The following MUC12 variants were observed in gnomAD, a reference collection of about 807,000 sequenced individuals.
The protein encoded by MUC12 is mucin-12.
In MUC12, 172 loss-of-function variants were observed where a neutral mutation model predicts 230.8. The observed-to-expected ratio is 0.75, with a 90% CI of 0.66 to 0.85. The LOEUF (loss-of-function observed/expected upper bound fraction) is 0.85. Ranked by LOEUF, MUC12 falls within the 40% of genes least tolerant of loss-of-function variation. The pLI is 0.00. For synonymous variants in MUC12, 1,259 were observed against 2,401.9 expected, an observed-to-expected ratio of 0.52 and a Z score of 13.91; for missense variants, 3,506 against 5,920.6, an observed-to-expected ratio of 0.59 and a Z score of 13.38.
intron 3 of MUC12, 27 bp from the exon 4 acceptor site, chr7:101,008,607 C>G (rs967528492): frequency 4.2e-5 from 65 of 1,534,322 alleles, no homozygotes; most frequent in Non-Finnish European, 5.4e-5. Flanking sequence ...GTCGCTGTCT[C>G]ACGCATACCA....
intron 1 of MUC12, 131 bp downstream of exon 1, chr7:100,969,820 AG>A: frequency 7.4e-7 from 1 of 1,350,154 alleles, no homozygotes; most frequent in South Asian, 1.3e-5. Flanking sequence ...ACAGGGCTGG[AG>A]ACCCGTGCTG....
intron 5 of MUC12, 113 bp from the exon 6 acceptor site, chr7:101,012,183 T>C (rs1793847619): frequency 5.1e-6 from 6 of 1,166,370 alleles, no homozygotes; most frequent in Middle Eastern, 2.1e-4. Context: ...GTATTCTTTC[T>C]CACCTCTGGG....
chr7:101,011,419 CT>C lies in MUC12; in HGVS notation c.15252-872del, dbSNP rs369851384. 4.9e-4 allele frequency among the ~76,000 whole-genome samples: 75 copies of C among 152,196 alleles called. No individual in the cohort carries two copies. In the Middle Eastern group the frequency reaches 0.01, roughly 21 times the overall value. On this transcript the variant is annotated intron_variant, in intron 5 of 11. Transcript: ENST00000536621. The stretch of plus-strand genomic sequence containing the variant: ...AGTAGCTTCTAGGTTAGAAACTTAC[CT>C]TTTTCTTTCTTTTTTAAATTTTAAA...
In MUC12 at chr7:101,009,017, A is replaced by G. The variant is rs1325819366; in HGVS notation, c.15187-78A>G. On this transcript the variant is annotated intron_variant, in intron 4 of 11. Coordinates refer to ENST00000536621, the MANE Select transcript of MUC12 (RefSeq NM_001164462.2). ...ACCTGGGCTCCACAGAAAGGTGCCT[A>G]GGGCTGCCTCAAGAAGGGTAACAGG... 2.7e-6 allele frequency: 4 copies of G among 1,480,040 alleles called. No individual in the cohort carries two copies. In the South Asian group the frequency reaches 3.6e-5, roughly 13 times the overall value. The allele number at this position is 1,480,040 out of a possible 1,614,324, so 91.7% of individuals were successfully genotyped here.
rs1046934686 is a variant in MUC12, at chr7:101,004,677, C to G, written c.14114C>G (p.Ser4705Ter). 11 of 1,537,928 alleles carry G rather than the reference C, an allele frequency of 7.2e-6. No individual in the cohort carries two copies. Among genetic ancestry groups the G allele is most frequent in the Non-Finnish European group, 9.6e-6 (11 of 1,147,070 alleles). The change falls in exon 2 of 12, where the codon TCA becomes TGA. Residue 4705 changes from serine (S) to a stop codon, truncating the protein, a stop_gained. Coordinates refer to ENST00000536621, the MANE Select transcript of MUC12 (RefSeq NM_001164462.2). LOFTEE classifies it high-confidence loss of function. ...ITPLPAHFTT[S>*]GRIAESTTFY... Reference sequence around the variant, plus strand: ...CCCTTACCTGCCCATTTTACTACCTCAGGCCGCATTGCAGAATCTACCACC... The same window carrying G: ...CCCTTACCTGCCCATTTTACTACCTGAGGCCGCATTGCAGAATCTACCACC...
chr7:100,983,592 G>A (rs1793142546), intron 1 of MUC12, among the ~76,000 whole-genome samples: 2 of 152,150 alleles, frequency 1.3e-5, no homozygotes, highest in Admixed American at 1.3e-4. Context: ...GGGCAGAAAT[G>A]TTCTCTACCC....
chr7:101,017,515 C>G (rs1345047343), intron 10 of MUC12, 60 bp from the exon 11 acceptor site: 3 of 1,088,410 alleles, frequency 2.8e-6, no homozygotes, highest in Non-Finnish European at 2.7e-6. Flanking sequence ...GAAATCCCCT[C>G]TGCCCCCTAG....
chr7:100,985,981 C>A (rs1411612048), intron 1 of MUC12, among the ~76,000 whole-genome samples: 2 of 152,154 alleles, frequency 1.3e-5, no homozygotes, highest in Non-Finnish European at 2.9e-5. Flanking sequence ...TGGAGCTCAG[C>A]CCCTCCACTT....
Position 101,003,686 on chromosome 7 carries a change from T to C in MUC12, c.13123T>C (p.Leu4375=). The C allele has an allele frequency of 1.0e-6, 1 of 977,132 alleles. No individual in the cohort carries two copies. The highest frequency in any genetic ancestry group is 1.5e-5 in the South Asian group (1 of 66,700). The allele number at this position is 977,132 out of a possible 1,614,324, so 60.5% of individuals were successfully genotyped here. ...TTHFSASSTT[L]GRSEESTTVH... ...CCACTTTTCTGCCAGCTCCACAACA[T>C]TGGGCCGTAGTGAGGAATCGACAAC... Residue 4375 remains leucine (L), a synonymous_variant, in exon 2 of 12, where the codon TTG becomes CTG. Transcript: ENST00000536621.
Position 100,991,833 on chromosome 7 carries a change from T to C in MUC12, c.1270T>C (p.Phe424Leu), listed in dbSNP as rs376357726. ...CCTGGGCTCAACTGAAACAACACAC[T>C]TCCGTGATAGCTCCACAATCTCAGG... ...SSLGSTETTH[F>L]RDSSTISGRS... Residue 424 changes from phenylalanine to leucine, a missense_variant, in exon 2 of 12, where the codon TTC becomes CTC. Phe to Leu is a conservative substitution (Grantham distance 22). Coordinates refer to ENST00000536621, the MANE Select transcript of MUC12 (RefSeq NM_001164462.2). 27 of 1,537,494 alleles carry C rather than the reference T, an allele frequency of 1.8e-5. No homozygotes were observed. The African/African-American group carries it at 3.6e-4, about 20-fold the overall frequency.
At position 100,991,223 on chromosome 7, in the gene MUC12, A is replaced by T. The variant is rs1304942121; in HGVS notation, c.660A>T (p.Glu220Asp). Residue 220 changes from glutamate to aspartate, a missense_variant, in exon 2 of 12, where the codon GAA becomes GAT. Coordinates refer to ENST00000536621, the MANE Select transcript of MUC12 (RefSeq NM_001164462.2). ...CCACACCATCATCCCTTGGTCCAGA[A>T]TCTACTACCTTCCACAGCAGCCCAG... The part of the protein sequence containing the change: ...GTTTPSSLGP[E>D]STTFHSSPGY... 6.5e-7 allele frequency: 1 copy of T among 1,537,470 alleles called. No individual in the cohort carries two copies. The highest frequency in any genetic ancestry group is 1.4e-5 in the African/African-American group (1 of 72,922).
At chr7:100,972,179 AT>A (rs1792916739) in intron 1 of MUC12, 2 of 702,012 alleles carry the variant, frequency 2.8e-6, no homozygotes, top group South Asian at 1.5e-5. Context: ...TCATGAGGAG[AT>A]CTGTGTAAGG....
intron 1 of MUC12, among the ~76,000 whole-genome samples, chr7:100,975,475 G>A (rs560562295): frequency 2.3e-4 from 35 of 152,418 alleles, no homozygotes; most frequent in African/African-American, 7.2e-4. Flanking sequence ...AAAAATTGAC[G>A]CAATTACAAG....
chr7:100,984,194 C>T (rs1044328706), intron 1 of MUC12, among the ~76,000 whole-genome samples: 1 of 151,602 alleles, frequency 6.6e-6, no homozygotes, highest in Non-Finnish European at 1.5e-5. Context: ...ATTACACTCT[C>T]AAAGAGGGGA....
In MUC12 at chr7:101,004,152, C is replaced by CGCTGTCGTTTCCATT; in HGVS notation, c.13590_13591insCTGTCGTTTCCATTG (p.Thr4530_Thr4531insLeuSerPheProLeu). 1.4e-6 allele frequency: 1 copy of CGCTGTCGTTTCCATT among 698,036 alleles called. No homozygotes were observed. The highest frequency in any genetic ancestry group is 2.0e-6 in the Non-Finnish European group (1 of 487,998). 43.2% of individuals were successfully genotyped at this position (698,036 alleles called of 1,614,324 possible). On this transcript the variant is annotated inframe_insertion, in exon 2 of 12. Coordinates refer to ENST00000536621, the MANE Select transcript of MUC12 (RefSeq NM_001164462.2). ...CCCATCAGTTCAGGCTCAATGGAAACGACAGCGTTACCCGGCAGTACCACA... is the reference window on the plus strand; with the variant it reads ...CCCATCAGTTCAGGCTCAATGGAAACGCTGTCGTTTCCATTGACAGCGTTACCCGGCAGTACCACA...
In MUC12 at chr7:101,005,384, T is replaced by G; in HGVS notation, c.14821T>G (p.Ser4941Ala). The G allele has an allele frequency of 6.5e-7, 1 of 1,537,676 alleles. No individual in the cohort carries two copies. The highest frequency in any genetic ancestry group is 8.7e-7 in the Non-Finnish European group (1 of 1,147,000). Residue 4941 changes from serine to alanine, a missense_variant, in exon 2 of 12, where the codon TCC (serine) becomes GCC (alanine). Physicochemically the swap from Ser to Ala is moderately conservative, Grantham distance 99. Coordinates refer to ENST00000536621, the MANE Select transcript of MUC12 (RefSeq NM_001164462.2). Reference protein sequence around the residue: ...GEPTTFYISPSPTYTTLFPAS... With the variant: ...GEPTTFYISPAPTYTTLFPAS... ...ACCTACAACTTTCTACATCAGCCCA[T>G]CCCCTACTTACACAACACTCTTTCC...
At chr7:100,977,538 G>A (rs1793051566) in intron 1 of MUC12, among the ~76,000 whole-genome samples, 1 of 151,932 alleles carries the variant, frequency 6.6e-6, no homozygotes, top group African/African-American at 2.4e-5. Flanking sequence ...GCTAAGTTTT[G>A]TATTTTTAGT....
chr7:100,984,616 A>T lies in MUC12; in HGVS notation c.68-6015A>T, dbSNP rs548544176. On this transcript the variant is annotated intron_variant, in intron 1 of 11. Transcript: ENST00000536621. ...TAACTTCTCTTCCCAAGGCCGTCTA[A>T]TCTCTAGCCAGCATCTGCCTTTTGA... Among the ~76,000 whole-genome samples, 25 of 152,108 alleles carry T rather than the reference A, an allele frequency of 1.6e-4. No homozygotes were observed. In the South Asian group the frequency reaches 3.7e-3, roughly 23 times the overall value.
At chr7:100,983,948 T>C (rs188853598) in intron 1 of MUC12, among the ~76,000 whole-genome samples, 100 of 152,248 alleles carry the variant, frequency 6.6e-4, no homozygotes, top group African/African-American at 2.2e-3. Flanking sequence ...AAGCCTCCCT[T>C]GATGACAGGC....
Sources: gnomAD v4.1 joint callset for allele counts (sites outside exome capture counted in the v4.1 genomes callset) on GRCh38, gnomAD v4.1.1 for gene constraint, MANE v1.5 for transcripts, NCBI Gene and HGNC (gene_info 2026-07-23, HGNC 2026-07-21) for gene names.